The following DNAJC6 variants were observed in gnomAD, a reference collection of about 807,000 sequenced individuals.
DNAJC6 encodes the protein auxilin.
DNAJC6 carries 34 observed loss-of-function variants against 110.0 expected under a neutral mutation model. That is an observed-to-expected ratio of 0.31 (90% CI 0.24 to 0.41). The LOEUF is 0.41. Among genes scored for constraint, DNAJC6 ranks in the 10% least tolerant of loss-of-function variants. The probability of loss-of-function intolerance (pLI) is 1.00; values close to 1 mark genes in which losing one functional copy is unlikely to be tolerated. For synonymous variants in DNAJC6, 406 were observed against 437.2 expected (o/e 0.93, Z 0.89); for missense variants, 1,031 against 1,207.8 (o/e 0.85, Z 2.17).
intron 1 of DNAJC6, among the ~76,000 whole-genome samples, chr1:65,311,563 T>C (rs892602879): frequency 6.6e-6 from 1 of 152,180 alleles, no homozygotes; most frequent in East Asian, 1.9e-4. Context: ...TTATTCAATG[T>C]ATGTTTTTTC....
chr1:65,389,681 T>G, intron 11 of DNAJC6, 54 bp downstream of exon 11: 1 of 1,587,920 alleles, frequency 6.3e-7, no homozygotes, highest in Non-Finnish European at 8.6e-7. Flanking sequence ...GTATTTCTTC[T>G]GTAAAGATGT....
chr1:65,408,877 A>G, intron 17 of DNAJC6, 94 bp downstream of exon 17: 1 of 1,446,502 alleles, frequency 6.9e-7, no homozygotes, highest in Middle Eastern at 1.8e-4. Context: ...AGAGTAACCT[A>G]TTGTCTTAGC....
At chr1:65,356,609 T>A (rs1645546420) in intron 1 of DNAJC6, among the ~76,000 whole-genome samples, 1 of 151,452 alleles carries the variant, frequency 6.6e-6, no homozygotes, top group African/African-American at 2.4e-5. Flanking sequence ...ATAAAATAAA[T>A]TTAAAAAAAT....
chr1:65,405,536 G>A (rs974039664), intron 15 of DNAJC6, among the ~76,000 whole-genome samples: 2 of 152,132 alleles, frequency 1.3e-5, no homozygotes, highest in African/African-American at 4.8e-5. Context: ...AGTGGGAAGA[G>A]CCAGGGTTCT....
intron 1 of DNAJC6, among the ~76,000 whole-genome samples, chr1:65,323,780 G>A (rs1483295613): frequency 6.6e-6 from 1 of 151,982 alleles, no homozygotes; most frequent in Non-Finnish European, 1.5e-5. Flanking sequence ...TTTTAGAGAT[G>A]AGGTTCTACT....
At chr1:65,336,482 A>G in intron 1 of DNAJC6, among the ~76,000 whole-genome samples, 1 of 152,292 alleles carries the variant, frequency 6.6e-6, no homozygotes, top group Non-Finnish European at 1.5e-5. Context: ...ATTCAAATAT[A>G]CAAAAAAGTA....
At chr1:65,266,084 G>C (rs180767510) in intron 1 of DNAJC6, among the ~76,000 whole-genome samples, 1 of 152,328 alleles carries the variant, frequency 6.6e-6, no homozygotes, top group East Asian at 1.9e-4. Flanking sequence ...TTCGCGCAGC[G>C]ACCCTCCCCA....
At chr1:65,403,246 C>G (rs182757710) in intron 15 of DNAJC6, among the ~76,000 whole-genome samples, 10 of 152,294 alleles carry the variant, frequency 6.6e-5, no homozygotes, top group Admixed American at 1.3e-4. Flanking sequence ...GAAGTAGTGA[C>G]TGTTATAATC....
intron 1 of DNAJC6, among the ~76,000 whole-genome samples, chr1:65,268,012 C>A (rs142591092): frequency 6.6e-6 from 1 of 152,150 alleles, no homozygotes; most frequent in African/African-American, 2.4e-5. Context: ...AAATTAGAGT[C>A]TCTGTGTTGA....
intron 1 of DNAJC6, among the ~76,000 whole-genome samples, chr1:65,270,211 C>T (rs1653460550): frequency 6.6e-6 from 1 of 152,054 alleles, no homozygotes; most frequent in Non-Finnish European, 1.5e-5. Context: ...GTCGTCTGAG[C>T]ATTTGCATAT....
At chr1:65,337,646 GACA>G (rs1285919245) in intron 1 of DNAJC6, among the ~76,000 whole-genome samples, 9 of 151,988 alleles carry the variant, frequency 5.9e-5, no homozygotes, top group Non-Finnish European at 1.2e-4. Context: ...AAAACACCAA[GACA>G]ACAACAACAA....
At chr1:65,405,720 GC>G in intron 15 of DNAJC6, 149 bp from the exon 16 acceptor site, 1 of 852,258 alleles carries the variant, frequency 1.2e-6, no homozygotes, top group Admixed American at 3.3e-5. Flanking sequence ...TAATATGTAT[GC>G]CTGCAATTGC....
At chr1:65,302,827 G>T (rs763208258) in intron 1 of DNAJC6, among the ~76,000 whole-genome samples, 2 of 152,038 alleles carry the variant, frequency 1.3e-5, no homozygotes, top group African/African-American at 2.4e-5. Flanking sequence ...GAGCCACCGC[G>T]CCCGGCCTGT....
chr1:65,291,221 C>T (rs567781803), intron 1 of DNAJC6, among the ~76,000 whole-genome samples: 4 of 152,036 alleles, frequency 2.6e-5, no homozygotes, highest in Non-Finnish European at 4.4e-5. Context: ...TTATTAGAGA[C>T]GGGGTTTCAC....
At chr1:65,390,575 GCTAA>G (rs1645916970) in intron 11 of DNAJC6, among the ~76,000 whole-genome samples, 1 of 152,220 alleles carries the variant, frequency 6.6e-6, no homozygotes, top group African/African-American at 2.4e-5. Flanking sequence ...GCTGGCTGAG[GCTAA>G]CTGTGAGATT....
intron 1 of DNAJC6, among the ~76,000 whole-genome samples, chr1:65,340,886 T>C (rs1645382804): frequency 6.6e-6 from 1 of 152,176 alleles, no homozygotes; most frequent in Admixed American, 6.5e-5. Flanking sequence ...GGCTCCACTC[T>C]CAGAGATTCT....
chr1:65,360,867 G>C (rs1395287172), intron 1 of DNAJC6, among the ~76,000 whole-genome samples: 2 of 152,144 alleles, frequency 1.3e-5, no homozygotes, highest in Admixed American at 1.3e-4. Flanking sequence ...TTATGAGGGT[G>C]CTTATTGTAG....
intron 1 of DNAJC6, among the ~76,000 whole-genome samples, chr1:65,266,556 T>G (rs1653338757): frequency 2.6e-5 from 4 of 152,218 alleles, no homozygotes; most frequent in African/African-American, 9.6e-5. Flanking sequence ...GAGGACCTGT[T>G]CACTCCTGTT....
intron 1 of DNAJC6, among the ~76,000 whole-genome samples, chr1:65,325,513 GGA>G (rs1179276899): frequency 6.6e-6 from 1 of 152,120 alleles, no homozygotes; most frequent in Non-Finnish European, 1.5e-5. Context: ...ACAGTGTTTA[GGA>G]GAGTGTCTAG....
Sources: gnomAD v4.1 joint callset for allele counts (sites outside exome capture counted in the v4.1 genomes callset) on GRCh38, gnomAD v4.1.1 for gene constraint, MANE v1.5 for transcripts, NCBI Gene and HGNC (gene_info 2026-07-23, HGNC 2026-07-21) for gene names.